The following PLCXD3 variants were observed in gnomAD, a reference collection of about 807,000 sequenced individuals.
The protein encoded by PLCXD3 is PI-PLC X domain-containing protein 3.
A neutral mutation model predicts 25.5 loss-of-function variants in PLCXD3; 19 were observed. That is an observed-to-expected ratio of 0.75 (90% confidence interval 0.52 to 1.09). PLCXD3 has a LOEUF of 1.09. Among genes scored for constraint, PLCXD3 ranks in the 50% least tolerant of loss-of-function variants. The pLI is 0.00. For synonymous variants in PLCXD3, 174 were observed against 137.6 expected, an observed-to-expected ratio of 1.26 and a Z score of -1.85; for missense variants, 411 against 388.1, an observed-to-expected ratio of 1.06 and a Z score of -0.50.
intron 1 of PLCXD3, among the ~76,000 whole-genome samples, chr5:41,457,747 GA>G (rs1358512959): frequency 2.0e-5 from 3 of 151,866 alleles, no homozygotes; most frequent in African/African-American, 7.2e-5. Flanking sequence ...TGAGGTACAT[GA>G]AAACTCATAC....
intron 1 of PLCXD3, among the ~76,000 whole-genome samples, chr5:41,489,687 A>C (rs1748609418): frequency 6.6e-6 from 1 of 151,906 alleles, no homozygotes; most frequent in Non-Finnish European, 1.5e-5. Flanking sequence ...ATTCTCTTTG[A>C]AGCAATTGTG....
At chr5:41,461,619 G>T (rs1660225052) in intron 1 of PLCXD3, among the ~76,000 whole-genome samples, 1 of 151,936 alleles carries the variant, frequency 6.6e-6, no homozygotes, top group Admixed American at 6.6e-5. Context: ...TATTTCAGAG[G>T]TGTCTGATCA....
intron 2 of PLCXD3, among the ~76,000 whole-genome samples, chr5:41,375,038 G>T (rs1255138141): frequency 3.9e-5 from 6 of 152,066 alleles, no homozygotes; most frequent in Non-Finnish European, 7.4e-5. Context: ...ATCCCTTCCG[G>T]GTACAGGCAA....
chr5:41,482,760 C>A (rs1375900880), intron 1 of PLCXD3, among the ~76,000 whole-genome samples: 2 of 152,164 alleles, frequency 1.3e-5, no homozygotes, highest in Non-Finnish European at 2.9e-5. Context: ...TAGGCTATTT[C>A]TTTTCTTGTT....
intron 2 of PLCXD3, among the ~76,000 whole-genome samples, chr5:41,324,371 C>T (rs185323081): frequency 1.1e-4 from 16 of 152,270 alleles, no homozygotes; most frequent in African/African-American, 3.1e-4. Context: ...CCTTGAGCTA[C>T]ACTAATCCCC....
intron 2 of PLCXD3, among the ~76,000 whole-genome samples, chr5:41,323,416 C>G: frequency 6.6e-6 from 1 of 152,120 alleles, no homozygotes. Flanking sequence ...AAGGGATACC[C>G]CATTCTTCAC....
chr5:41,381,994 G>T lies in PLCXD3; in HGVS notation c.644C>A (p.Pro215His). 1 of 1,613,324 alleles carries T rather than the reference G, an allele frequency of 6.2e-7. No homozygotes were observed. Among genetic ancestry groups the T allele is most frequent in the Non-Finnish European group, 8.5e-7 (1 of 1,179,684 alleles). Residue 215 changes from proline (P) to histidine (H), a missense_variant, in exon 2 of 3, where the codon CCC (proline) becomes CAC (histidine). Coordinates refer to ENST00000377801, the MANE Select transcript of PLCXD3 (RefSeq NM_001005473.3). ...FLWPGQMMPA[P>H]WANTTDPEKL... ...CTCGGGGTCTGTGGTGTTGGCCCAG[G>T]GTGCTGGCATCATCTGCCCAGGCCA...
intron 1 of PLCXD3, among the ~76,000 whole-genome samples, chr5:41,387,090 C>G (rs1037931598): frequency 3.3e-5 from 5 of 152,082 alleles, no homozygotes; most frequent in Non-Finnish European, 7.4e-5. Context: ...ATCTGTTAAT[C>G]TGTCCATTGA....
At chr5:41,482,011 T>A (rs1748425180) in intron 1 of PLCXD3, among the ~76,000 whole-genome samples, 2 of 152,320 alleles carry the variant, frequency 1.3e-5, no homozygotes, top group African/African-American at 4.8e-5. Flanking sequence ...GGGCTATCAG[T>A]TATTATGCCC....
intron 1 of PLCXD3, among the ~76,000 whole-genome samples, chr5:41,386,658 TAA>T (rs1161133936): frequency 2.0e-5 from 3 of 152,036 alleles, no homozygotes; most frequent in Non-Finnish European, 4.4e-5. Flanking sequence ...GACAAGCTCT[TAA>T]AAGAGACAAC....
intron 2 of PLCXD3, among the ~76,000 whole-genome samples, chr5:41,378,681 T>G (rs1385160451): frequency 6.6e-6 from 1 of 152,108 alleles, no homozygotes; most frequent in Non-Finnish European, 1.5e-5. Flanking sequence ...TAAATTTAAA[T>G]AGGATTCATC....
intron 2 of PLCXD3, among the ~76,000 whole-genome samples, chr5:41,315,727 G>A (rs1406580894): frequency 6.6e-6 from 1 of 152,204 alleles, no homozygotes; most frequent in Non-Finnish European, 1.5e-5. Flanking sequence ...GTTGTGGAGA[G>A]CATCTCTGGG....
intron 1 of PLCXD3, among the ~76,000 whole-genome samples, chr5:41,460,104 A>G (rs879935473): frequency 6.6e-6 from 1 of 151,946 alleles, no homozygotes; most frequent in Non-Finnish European, 1.5e-5. Context: ...AGATATGCGT[A>G]TATAGAATAT....
rs1300560410 is a variant in PLCXD3, at chr5:41,308,490, A to G, written c.*5127T>C. On this transcript the variant is annotated 3_prime_UTR_variant, in exon 3 of 3. Coordinates refer to ENST00000377801, the MANE Select transcript of PLCXD3 (RefSeq NM_001005473.3). ...CAGATCCAAGCCCAAAGAAGGTCAC[A>G]GAATTTTTGCTTCAAGCATGACCAC... 2.0e-5 allele frequency: 3 copies of G among 152,162 alleles called. No individual in the cohort carries two copies. Among genetic ancestry groups the G allele is most frequent in the Admixed American group, 6.5e-5 (1 of 15,274 alleles). 9.4% of individuals were successfully genotyped at this position (152,162 alleles called of 1,614,324 possible).
At chr5:41,386,005 C>T (rs575470982) in intron 1 of PLCXD3, among the ~76,000 whole-genome samples, 4 of 152,156 alleles carry the variant, frequency 2.6e-5, no homozygotes, top group South Asian at 2.1e-4. Flanking sequence ...GATTCATAGA[C>T]GTACACAGAA....
chr5:41,475,759 G>C lies in PLCXD3; in HGVS notation c.103+34665C>G. The C allele has an allele frequency of 9.4e-6, 5 of 533,826 alleles. 1 individual carries two copies. The highest frequency in any genetic ancestry group is 4.2e-5 in the South Asian group (3 of 71,478). 33.1% of individuals were successfully genotyped at this position (533,826 alleles called of 1,614,324 possible). On this transcript the variant is annotated intron_variant, in intron 1 of 2. Transcript: ENST00000377801. The stretch of plus-strand genomic sequence containing the variant: ...AAGAGTTACTTCTGTTACTACTTGA[G>C]ACCATCATTACAGCAGTTACTGCTG...
At chr5:41,499,628 A>T (rs1748913463) in intron 1 of PLCXD3, among the ~76,000 whole-genome samples, 1 of 151,790 alleles carries the variant, frequency 6.6e-6, no homozygotes, top group Admixed American at 6.6e-5. Flanking sequence ...TTTCACAGAA[A>T]GAGAAAAAAT....
intron 1 of PLCXD3, among the ~76,000 whole-genome samples, chr5:41,414,786 C>T (rs1746655432): frequency 6.6e-6 from 1 of 152,202 alleles, no homozygotes. Flanking sequence ...GGACATGAGT[C>T]ATCCCTTTGT....
intron 1 of PLCXD3, among the ~76,000 whole-genome samples, chr5:41,399,412 A>G (rs1028937736): frequency 1.3e-5 from 2 of 152,102 alleles, no homozygotes; most frequent in African/African-American, 4.8e-5. Context: ...AAATTACAAA[A>G]CTGAAGGAAT....
Sources: allele counts gnomAD v4.1 joint callset (sites outside exome capture counted in the v4.1 genomes callset), GRCh38; gene constraint gnomAD v4.1.1; transcripts MANE v1.5; gene names NCBI Gene and HGNC (gene_info 2026-07-23, HGNC 2026-07-21).